TDRD12: variants seen among roughly 807,000 people sequenced by gnomAD.
TDRD12 encodes the protein putative ATP-dependent RNA helicase TDRD12.
In TDRD12, 158 loss-of-function variants were observed where a neutral mutation model predicts 133.5. The ratio of observed to expected loss-of-function variants is 1.18; its 90% CI spans 1.04 to 1.35. The LOEUF (loss-of-function observed/expected upper bound fraction) is 1.35. Among genes scored for constraint, TDRD12 ranks in the 40% most tolerant of loss-of-function variants. The pLI, the probability that TDRD12 is intolerant of heterozygous loss-of-function variation, is 0.00. For missense variants in TDRD12, 1,443 were observed against 1,321.3 expected (o/e 1.09, Z -1.43); for synonymous variants, 460 against 477.9 (o/e 0.96, Z 0.49).
At chr19:32,826,125 C>G (rs1599638576), downstream of TDRD12, 8 of 1,535,798 alleles carry the variant, frequency 5.2e-6, no homozygotes, top group South Asian at 2.4e-5. Context: ...ACTGAAGGTG[C>G]CTTCATTAGC....
chr19:32,760,472 A>G (rs1375773437), intron 8 of TDRD12, among the ~76,000 whole-genome samples: 1 of 152,222 alleles, frequency 6.6e-6, no homozygotes, highest in African/African-American at 2.4e-5. Flanking sequence ...TGATTTGCTA[A>G]TACTTGATTA....
intron 13 of TDRD12, among the ~76,000 whole-genome samples, chr19:32,792,461 C>G (rs1250431674): frequency 2.0e-5 from 3 of 152,116 alleles, no homozygotes; most frequent in Admixed American, 1.3e-4. Flanking sequence ...ATAAAAGATT[C>G]TTGGAAATTC....
chr19:32,813,473 C>T (rs796896807), intron 24 of TDRD12, among the ~76,000 whole-genome samples: 2 of 152,294 alleles, frequency 1.3e-5, no homozygotes, highest in East Asian at 1.9e-4. Flanking sequence ...CTCACTAGTA[C>T]GAGGCCATGG....
At chr19:32,820,943 C>A in intron 27 of TDRD12, 90 bp from the exon 28 acceptor site, 1 of 1,021,548 alleles carries the variant, frequency 9.8e-7, no homozygotes, top group Non-Finnish European at 1.4e-6. Context: ...CGGCCACAGG[C>A]ACTTCACGGT....
chr19:32,817,984 A>AT, intron 26 of TDRD12, 105 bp from the exon 27 acceptor site: 3 of 669,714 alleles, frequency 4.5e-6, no homozygotes, highest in Non-Finnish European at 8.0e-6. Flanking sequence ...AAAAAAAAAA[A>AT]GTGTTTTTAC....
At chr19:32,795,012 GT>G (rs1329367357) in intron 14 of TDRD12, among the ~76,000 whole-genome samples, 199 bp downstream of exon 14, 1 of 152,150 alleles carries the variant, frequency 6.6e-6, no homozygotes, top group African/African-American at 2.4e-5. Context: ...GGAGCCTATA[GT>G]TGTGGGCCAT....
intron 6 of TDRD12, among the ~76,000 whole-genome samples, chr19:32,753,170 TTGGTG>T (rs1969887220): frequency 6.6e-6 from 1 of 152,202 alleles, no homozygotes; most frequent in African/African-American, 2.4e-5. Context: ...ATGAGGGCAC[TTGGTG>T]TGCTTGTTCC....
exon 9 of TDRD12, chr19:32,826,460 C>A: frequency 8.0e-7 from 1 of 1,247,586 alleles, no homozygotes; most frequent in Non-Finnish European, 1.0e-6. Context: ...GGGTGGGAGA[C>A]AAATTTTACC....
chr19:32,804,198 G>T (rs1234877387), intron 21 of TDRD12, among the ~76,000 whole-genome samples: 1 of 151,502 alleles, frequency 6.6e-6, no homozygotes, highest in African/African-American at 2.4e-5. Flanking sequence ...TCAGCCTCCC[G>T]AGTAGCTGGG....
Position 32,744,430 on chromosome 19 carries a change from G to A in TDRD12, c.440+1530G>A, listed in dbSNP as rs1042061195. 3.4e-5 allele frequency among the ~76,000 whole-genome samples: 5 copies of A among 149,196 alleles called. No individual in the cohort carries two copies. In the Admixed American group the frequency reaches 3.4e-4, roughly 10 times the overall value. ...CAAGAGAATCGCTTGAACCCAGGAG[G>A]TGGAGGTTGCAGTGAGCCAAGATTG... On this transcript the variant is annotated intron_variant, in intron 4 of 27. Transcript: ENST00000444215.
chr19:32,727,814 AT>A (rs1392003531), intron 1 of TDRD12, among the ~76,000 whole-genome samples: 4 of 152,132 alleles, frequency 2.6e-5, no homozygotes, highest in Non-Finnish European at 5.9e-5. Flanking sequence ...GATTACGGGC[AT>A]GTACCACCAC....
chr19:32,764,554 C>T (rs188914924), intron 8 of TDRD12, among the ~76,000 whole-genome samples: 8 of 152,206 alleles, frequency 5.3e-5, no homozygotes, highest in African/African-American at 1.7e-4. Context: ...ATTCTGTGTC[C>T]ACCTTAGAAA....
chr19:32,766,858 G>A lies in TDRD12; in HGVS notation c.866-5895G>A, dbSNP rs142821036. Among the ~76,000 whole-genome samples the A allele has an allele frequency of 4.0e-4, 61 of 151,792 alleles. No homozygotes were observed. The East Asian group carries it at 7.8e-3, about 19-fold the overall frequency. On this transcript the variant is annotated intron_variant, in intron 8 of 27. Coordinates refer to ENST00000444215, the Ensembl canonical transcript of TDRD12. ...TCGAACTCCTGACCTTAAGTGATCC[G>A]CTGGCCTCAGCCTCCCAAAGTGCTG...
chr19:32,767,029 G>A (rs1291077936), intron 8 of TDRD12, among the ~76,000 whole-genome samples: 1 of 152,004 alleles, frequency 6.6e-6, no homozygotes, highest in Admixed American at 6.6e-5. Context: ...ATAGCATGAG[G>A]AACTTAACAG....
At chr19:32,820,727 C>T (rs981312230) in intron 27 of TDRD12, among the ~76,000 whole-genome samples, 3 of 152,152 alleles carry the variant, frequency 2.0e-5, no homozygotes, top group African/African-American at 7.2e-5. Flanking sequence ...AGGAAACTGG[C>T]TTGTCACTTT....
chr19:32,729,264 C>A lies in TDRD12; in HGVS notation c.25-2461C>A, dbSNP rs867991355. 2.7e-3 allele frequency among the ~76,000 whole-genome samples: 384 copies of A among 142,612 alleles called. 1 individual carries two copies. The highest frequency in any genetic ancestry group is 7.5e-3 in the Middle Eastern group (2 of 268). 93.6% of individuals were successfully genotyped at this position (142,612 alleles called of 152,430 possible). The stretch of plus-strand genomic sequence containing the variant: ...ATGGAGTCTTGCTCTGTCGCCCAGG[C>A]TGGAGTGCAGTGGCGCAATCTCGGC... On this transcript the variant is annotated intron_variant, in intron 1 of 27. Transcript: ENST00000444215.
intron 11 of TDRD12, 129 bp from the exon 12 acceptor site, chr19:32,790,402 C>A: frequency 1.1e-6 from 1 of 878,464 alleles, no homozygotes; most frequent in Non-Finnish European, 1.7e-6. Context: ...ACAGAACAGG[C>A]AGCAGTTGTA....
downstream of TDRD12, among the ~76,000 whole-genome samples, chr19:32,825,229 T>C (rs1035149160): frequency 1.6e-4 from 25 of 152,244 alleles, no homozygotes; most frequent in African/African-American, 6.0e-4. The surrounding 1 kb of genome is among the most constrained non-coding windows in gnomAD (Gnocchi z 4.1). Flanking sequence ...TCTGTTTGTT[T>C]CTTTGCCATT....
chr19:32,822,588 A>T (rs1428566198), downstream of TDRD12, among the ~76,000 whole-genome samples: 1 of 151,738 alleles, frequency 6.6e-6, no homozygotes, highest in Non-Finnish European at 1.5e-5. Flanking sequence ...TCTACTAAAA[A>T]TACAAAAAAT....
Sources: allele counts gnomAD v4.1 joint callset (sites outside exome capture counted in the v4.1 genomes callset), GRCh38; gene constraint gnomAD v4.1.1; non-coding constraint Gnocchi (gnomAD v3.1); transcripts MANE v1.5; gene names NCBI Gene and HGNC (gene_info 2026-07-23, HGNC 2026-07-21).